Variants in XIRP2 observed in about 807,000 individuals in gnomAD.
XIRP2 encodes xin actin binding repeat containing 2.
In XIRP2, 236 loss-of-function variants were observed where a neutral mutation model predicts 277.0. The observed-to-expected ratio is 0.85, with a 90% CI of 0.77 to 0.95. The LOEUF (loss-of-function observed/expected upper bound fraction) is 0.95. Ranked by LOEUF, XIRP2 falls within the 40% of genes least tolerant of loss-of-function variation. XIRP2 has a pLI of 0.00. For missense variants in XIRP2, 4,640 were observed against 4,157.5 expected (o/e 1.12, Z -3.19); for synonymous variants, 1,490 against 1,416.5 (o/e 1.05, Z -1.17).
At chr2:167,052,506 C>G (rs981598891) in intron 2 of XIRP2, among the ~76,000 whole-genome samples, 4 of 152,050 alleles carry the variant, frequency 2.6e-5, no homozygotes, top group Admixed American at 6.6e-5. Flanking sequence ...ATTCAAATAT[C>G]AAAAAGGATT....
At chr2:167,111,342 T>A (rs1233117791) in intron 2 of XIRP2, among the ~76,000 whole-genome samples, 1 of 152,152 alleles carries the variant, frequency 6.6e-6, no homozygotes, top group Non-Finnish European at 1.5e-5. Flanking sequence ...TTTTGAAGTA[T>A]GATTCTTTCA....
chr2:167,184,282 G>A (rs1271914212), intron 3 of XIRP2, among the ~76,000 whole-genome samples: 4 of 152,154 alleles, frequency 2.6e-5, no homozygotes, highest in Non-Finnish European at 5.9e-5. Context: ...CAGTATCCCT[G>A]TTATTTGAAG....
chr2:167,098,716 A>T (rs1469403897), intron 2 of XIRP2, among the ~76,000 whole-genome samples: 1 of 152,078 alleles, frequency 6.6e-6, no homozygotes, highest in Non-Finnish European at 1.5e-5. Flanking sequence ...TGACCTTCAG[A>T]TGGAGGTTTT....
intron 1 of XIRP2, among the ~76,000 whole-genome samples, 171 bp downstream of exon 1, chr2:166,888,728 C>T (rs188240973): frequency 2.7e-4 from 41 of 152,224 alleles, no homozygotes; most frequent in Non-Finnish European, 5.1e-4. Context: ...TTCAGGCTAG[C>T]GCTTAGTGAC....
intron 3 of XIRP2, among the ~76,000 whole-genome samples, chr2:167,201,200 AAGAAAGAAAG>A (rs1693682942): frequency 3.5e-5 from 1 of 28,436 alleles, no homozygotes; most frequent in Non-Finnish European, 7.3e-5. Flanking sequence ...GAAAGAAAGA[AAGAAAGAAAG>A]AAAGAAAGAA....
intron 2 of XIRP2, among the ~76,000 whole-genome samples, chr2:166,913,382 C>T (rs981095080): frequency 6.6e-6 from 1 of 151,786 alleles, no homozygotes; most frequent in African/African-American, 2.4e-5. Context: ...GAGTGAGGCT[C>T]CGTGGGCGTG....
intron 2 of XIRP2, among the ~76,000 whole-genome samples, chr2:167,025,051 C>T (rs1222419659): frequency 6.6e-6 from 1 of 152,030 alleles, no homozygotes; most frequent in African/African-American, 2.4e-5. Flanking sequence ...CCTTGTACCT[C>T]TGGTAGAATT....
At chr2:167,150,011 A>G (rs1420950948) in intron 3 of XIRP2, among the ~76,000 whole-genome samples, 1 of 152,010 alleles carries the variant, frequency 6.6e-6, no homozygotes, top group East Asian at 1.9e-4. Flanking sequence ...TACTATATTC[A>G]CTATTTGAGT....
Position 167,258,450 on chromosome 2 carries a change from G to T in XIRP2, c.*633G>T. On this transcript the variant is annotated 3_prime_UTR_variant, in exon 11 of 11. Coordinates refer to ENST00000409195, the MANE Select transcript of XIRP2 (RefSeq NM_152381.6). Reference sequence around the variant, plus strand: ...AGAAAAGATGAAAAGAAGGAAGGAAGGAAGAATGTGCAAGATAGGCCGAGT... The same window carrying T: ...AGAAAAGATGAAAAGAAGGAAGGAATGAAGAATGTGCAAGATAGGCCGAGT... 6.2e-7 allele frequency: 1 copy of T among 1,612,804 alleles called. No individual in the cohort carries two copies. Among genetic ancestry groups the T allele is most frequent in the Non-Finnish European group, 8.5e-7 (1 of 1,179,544 alleles).
At chr2:167,057,827 A>G (rs971682081) in intron 2 of XIRP2, among the ~76,000 whole-genome samples, 2 of 152,082 alleles carry the variant, frequency 1.3e-5, no homozygotes, top group African/African-American at 4.8e-5. Context: ...GCTTTGCTCA[A>G]TATTTAATAT....
Position 167,246,632 on chromosome 2 carries a change from C to A in XIRP2, c.5240C>A (p.Thr1747Lys). ...ASERGNVQFF[T>K]TCIEAGALDY... is the part of the protein sequence containing the mutation. ...GAGAGAGGAAATGTTCAGTTTTTCA[C>A]AACCTGCATAGAAGCTGGAGCTTTG... Residue 1747 changes from threonine (T) to lysine (K), a missense_variant, in exon 9 of 11, where the codon ACA (threonine) becomes AAA (lysine). Physicochemically the swap from Thr to Lys is moderately conservative, Grantham distance 78. Transcript: ENST00000409195. 1 of 1,613,760 alleles carries A rather than the reference C, an allele frequency of 6.2e-7. No individual in the cohort carries two copies. The highest frequency in any genetic ancestry group is 8.5e-7 in the Non-Finnish European group (1 of 1,179,842).
rs368618776 is a variant in XIRP2 at position 167,250,926 on chromosome 2, C to T, written c.9534C>T (p.Arg3178=). 3.1e-5 allele frequency: 50 copies of T among 1,613,614 alleles called. No individual in the cohort carries two copies. The African/African-American group carries it at 5.1e-4, about 16-fold the overall frequency. The part of the protein sequence containing the change: ...ANTSPSPPRS[R]SEQLVRLKDT... ...CTTCCCCTTCTCCACCCAGGAGTCG[C>T]TCTGAACAACTTGTCAGACTCAAAG... Residue 3178 remains arginine, a synonymous_variant, in exon 9 of 11, where the codon CGC becomes CGT. Coordinates refer to ENST00000409195, the MANE Select transcript of XIRP2 (RefSeq NM_152381.6).
intron 3 of XIRP2, among the ~76,000 whole-genome samples, chr2:167,142,306 T>C (rs1209469843): frequency 6.6e-6 from 1 of 152,032 alleles, no homozygotes; most frequent in Non-Finnish European, 1.5e-5. Context: ...TCCCAAAACT[T>C]TGGGAGGCCA....
chr2:166,925,734 AG>A (rs1198232138), intron 2 of XIRP2, among the ~76,000 whole-genome samples: 1 of 151,384 alleles, frequency 6.6e-6, no homozygotes, highest in African/African-American at 2.4e-5. Flanking sequence ...TGATAGGCAC[AG>A]GGGCAAGTGT....
intron 1 of XIRP2, among the ~76,000 whole-genome samples, chr2:166,898,876 G>A (rs1219244614): frequency 6.6e-6 from 1 of 152,050 alleles, no homozygotes; most frequent in Non-Finnish European, 1.5e-5. Context: ...TACTTTTATC[G>A]TATGTGACCT....
intron 3 of XIRP2, among the ~76,000 whole-genome samples, chr2:167,201,075 G>A (rs930150897): frequency 5.3e-5 from 8 of 151,394 alleles, no homozygotes; most frequent in African/African-American, 9.7e-5. Flanking sequence ...GCAGTGAGCC[G>A]AGATCATGCC....
chr2:167,254,543 G>A (rs1420156994), intron 10 of XIRP2, among the ~76,000 whole-genome samples: 1 of 151,860 alleles, frequency 6.6e-6, no homozygotes, highest in African/African-American at 2.4e-5. Context: ...TTTGCAGGCC[G>A]TACTGCTTCT....
In XIRP2 at chr2:167,250,447, G is replaced by A. The variant is rs1397168933; in HGVS notation, c.9055G>A (p.Ala3019Thr). ...KEEITHIKTQ[A>T]EDMLVSYENI... Reference sequence around the variant, plus strand: ...AGAAATAACACATATTAAAACTCAAGCGGAAGATATGCTTGTGTCCTATGA... The same window carrying A: ...AGAAATAACACATATTAAAACTCAAACGGAAGATATGCTTGTGTCCTATGA... Residue 3019 changes from alanine (A) to threonine (T), a missense_variant, in exon 9 of 11, where the codon GCG becomes ACG. By Grantham distance (58) the Ala-to-Thr change is moderately conservative. Transcript: ENST00000409195. The A allele has an allele frequency of 6.2e-7, 1 of 1,613,190 alleles. No individual in the cohort carries two copies. The highest frequency in any genetic ancestry group is 8.5e-7 in the Non-Finnish European group (1 of 1,179,676).
At chr2:167,023,244 A>C (rs1403580803) in intron 2 of XIRP2, among the ~76,000 whole-genome samples, 2 of 152,096 alleles carry the variant, frequency 1.3e-5, no homozygotes, top group Non-Finnish European at 2.9e-5. Flanking sequence ...TTGGCTGCAT[A>C]AATGTCTTCT....
Sources: gnomAD v4.1 joint callset for allele counts (sites outside exome capture counted in the v4.1 genomes callset) on GRCh38, gnomAD v4.1.1 for gene constraint, MANE v1.5 for transcripts, NCBI Gene and HGNC (gene_info 2026-07-23, HGNC 2026-07-21) for gene names.